Variants in SV2C observed in about 807,000 individuals in gnomAD.
SV2C encodes the protein solute carrier family 22 member B3.
Under a neutral mutation model 79.7 loss-of-function variants are expected in SV2C, and 49 were observed. The ratio of observed to expected loss-of-function variants is 0.61; its 90% CI spans 0.49 to 0.78. The LOEUF (loss-of-function observed/expected upper bound fraction) is 0.78, where lower values mean the gene tolerates loss of function less well. SV2C is among the 30% of genes least tolerant of loss of function. The pLI, the probability that SV2C is intolerant of heterozygous loss-of-function variation, is 0.00. For synonymous variants in SV2C, 334 were observed against 333.2 expected (o/e 1.00, Z -0.03); for missense variants, 833 against 912.9 (o/e 0.91, Z 1.13).
At chr5:76,066,163 G>A in the SV2C span, among the ~76,000 whole-genome samples, 7 of 151,926 alleles carry the variant, frequency 4.6e-5, no homozygotes, top group Non-Finnish European at 8.8e-5. Flanking sequence ...GTTTATTGCG[G>A]CACTATTCAC....
At chr5:76,283,694 C>G (rs1193101274) in intron 4 of SV2C, among the ~76,000 whole-genome samples, 3 of 152,190 alleles carry the variant, frequency 2.0e-5, no homozygotes, top group Admixed American at 6.5e-5. Flanking sequence ...GTAATATACA[C>G]TATCTTCATA....
intron 4 of SV2C, among the ~76,000 whole-genome samples, chr5:76,255,890 G>A (rs114335668): frequency 6.6e-6 from 1 of 152,126 alleles, no homozygotes; most frequent in Non-Finnish European, 1.5e-5. Context: ...CAGCCCTTCT[G>A]GGGGAAGAGG....
chr5:75,905,223 C>T, the SV2C span, among the ~76,000 whole-genome samples: 3 of 152,138 alleles, frequency 2.0e-5, no homozygotes, highest in African/African-American at 7.2e-5. Flanking sequence ...GCAAAGTTAC[C>T]TCTATTTTTT....
At chr5:76,273,146 GAT>G (rs369657969) in intron 4 of SV2C, among the ~76,000 whole-genome samples, 2,632 of 128,844 alleles carry the variant, frequency 0.02, 66 homozygotes, top group East Asian at 0.12. Flanking sequence ...TTACAAAAAA[GAT>G]ATATATATAT....
the SV2C span, among the ~76,000 whole-genome samples, chr5:75,957,443 A>C: frequency 6.6e-6 from 1 of 152,044 alleles, no homozygotes; most frequent in Non-Finnish European, 1.5e-5. Context: ...AGATTGGCAC[A>C]ACCTTTTGAC....
At chr5:75,974,531 C>A in the SV2C span, among the ~76,000 whole-genome samples, 1 of 152,052 alleles carries the variant, frequency 6.6e-6, no homozygotes, top group Admixed American at 6.6e-5. Flanking sequence ...ACCCATGAGT[C>A]CTCAGAGAGA....
intron 4 of SV2C, among the ~76,000 whole-genome samples, chr5:76,211,789 T>C (rs1744775908): frequency 2.0e-5 from 3 of 152,236 alleles, no homozygotes; most frequent in African/African-American, 7.2e-5. Flanking sequence ...ACTTGTTTTT[T>C]TAACTGAGTT....
intron 2 of SV2C, among the ~76,000 whole-genome samples, chr5:76,139,329 G>A (rs1749175942): frequency 6.6e-6 from 1 of 152,054 alleles, no homozygotes; most frequent in South Asian, 2.1e-4. Context: ...CCTGGGATTT[G>A]TGAAGACACG....
the SV2C span, among the ~76,000 whole-genome samples, chr5:76,048,917 G>T: frequency 6.0e-5 from 6 of 100,720 alleles, no homozygotes; most frequent in South Asian, 2.4e-3. Context: ...GGAAGGGAAA[G>T]AAAGAAAAAA....
At chr5:75,863,552 T>C in the SV2C span, among the ~76,000 whole-genome samples, 12 of 152,308 alleles carry the variant, frequency 7.9e-5, no homozygotes, top group African/African-American at 2.9e-4. Flanking sequence ...TGTGGAACAA[T>C]TAGGTTTCTT....
At chr5:75,876,128 A>C in the SV2C span, among the ~76,000 whole-genome samples, 1 of 152,192 alleles carries the variant, frequency 6.6e-6, no homozygotes, top group Non-Finnish European at 1.5e-5. Context: ...GTGAATATTC[A>C]CTGCAATGCT....
At chr5:76,058,118 T>C in the SV2C span, among the ~76,000 whole-genome samples, 1 of 152,238 alleles carries the variant, frequency 6.6e-6, no homozygotes, top group South Asian at 2.1e-4. Context: ...AGCTGTGTCT[T>C]ATGTCTGGAT....
the SV2C span, among the ~76,000 whole-genome samples, chr5:75,930,660 T>C: frequency 1.7e-4 from 26 of 152,166 alleles, no homozygotes; most frequent in Non-Finnish European, 5.9e-5. Flanking sequence ...GATATGGAAG[T>C]TGGAAATCCA....
the SV2C span, among the ~76,000 whole-genome samples, chr5:75,914,084 C>T: frequency 5.3e-5 from 8 of 152,164 alleles, no homozygotes; most frequent in African/African-American, 1.7e-4. Context: ...CTAATCATGG[C>T]TCTGCATCAT....
At chr5:76,112,529 G>C (rs550083730) in intron 1 of SV2C, among the ~76,000 whole-genome samples, 51 of 152,256 alleles carry the variant, frequency 3.3e-4, no homozygotes, top group African/African-American at 1.2e-3. Context: ...TTTTCAGTAG[G>C]GGAGTGAGGT....
the SV2C span, chr5:75,920,920 G>T: frequency 2.7e-6 from 2 of 735,774 alleles, no homozygotes; most frequent in Non-Finnish European, 5.0e-6. Flanking sequence ...CCCTGGTCTC[G>T]TGGATCCTGG....
the SV2C span, among the ~76,000 whole-genome samples, chr5:75,894,616 A>G: frequency 1.3e-5 from 2 of 152,122 alleles, no homozygotes; most frequent in African/African-American, 4.8e-5. Context: ...AACCTGAGTC[A>G]GAGCTTGCCT....
chr5:75,851,476 C>T, the SV2C span, among the ~76,000 whole-genome samples: 119 of 152,278 alleles, frequency 7.8e-4, no homozygotes, highest in African/African-American at 2.7e-3. Context: ...GGCTTTTTCG[C>T]CCATGGTAAC....
chr5:76,052,637 C>T, the SV2C span, among the ~76,000 whole-genome samples: 2 of 152,206 alleles, frequency 1.3e-5, no homozygotes, highest in Non-Finnish European at 2.9e-5. Context: ...TCACACATGG[C>T]CTGTGCCCAA....
Sources: allele counts gnomAD v4.1 joint callset (sites outside exome capture counted in the v4.1 genomes callset), GRCh38; gene constraint gnomAD v4.1.1; transcripts MANE v1.5; gene names NCBI Gene and HGNC (gene_info 2026-07-23, HGNC 2026-07-21).